PCM1: variants seen among roughly 807,000 people sequenced by gnomAD.
PCM1 encodes the protein pericentriolar material 1 protein.
A neutral mutation model predicts 241.9 loss-of-function variants in PCM1; 157 were observed. The ratio of observed to expected loss-of-function variants is 0.65; its 90% CI spans 0.57 to 0.74. PCM1 has a LOEUF of 0.74. Ranked by LOEUF, PCM1 falls within the 30% of genes least tolerant of loss-of-function variation. PCM1 has a pLI of 0.00. For synonymous variants in PCM1, 1,085 were observed against 784.9 expected (o/e 1.38, Z -6.39); for missense variants, 3,478 against 2,360.1 (o/e 1.47, Z -9.81).
At chr8:18,011,622 A>T (rs748799238) in intron 33 of PCM1, 45 bp from the exon 34 acceptor site, 1 of 1,535,126 alleles carries the variant, frequency 6.5e-7, no homozygotes, top group African/African-American at 1.4e-5. Flanking sequence ...TATTGTTAAG[A>T]TTATGTGCTG....
At chr8:17,970,731 A>C (rs1359812171) in intron 22 of PCM1, among the ~76,000 whole-genome samples, 1 of 152,156 alleles carries the variant, frequency 6.6e-6, no homozygotes, top group East Asian at 1.9e-4. Context: ...TCCCTACTTC[A>C]TTATTTTCAT....
chr8:17,978,057 A>T (rs1181101475), intron 23 of PCM1, among the ~76,000 whole-genome samples: 1 of 152,190 alleles, frequency 6.6e-6, no homozygotes, highest in Admixed American at 6.5e-5. Flanking sequence ...ACAAAATAAT[A>T]AGGGCACATA....
chr8:17,977,940 A>T (rs963817271), intron 23 of PCM1, among the ~76,000 whole-genome samples: 1 of 152,220 alleles, frequency 6.6e-6, no homozygotes, highest in Non-Finnish European at 1.5e-5. Context: ...AACAGTGCAT[A>T]TAAAAGGGAC....
chr8:18,010,821 A>T (rs921686410), intron 32 of PCM1, among the ~76,000 whole-genome samples, 153 bp downstream of exon 32: 1 of 152,120 alleles, frequency 6.6e-6, no homozygotes, highest in Admixed American at 6.5e-5. Flanking sequence ...TCCATACTAA[A>T]AATACAAAAA....
chr8:17,999,091 G>A (rs941261448), intron 29 of PCM1, among the ~76,000 whole-genome samples: 1 of 152,116 alleles, frequency 6.6e-6, no homozygotes, highest in Non-Finnish European at 1.5e-5. Flanking sequence ...ATGCTGTCCA[G>A]GAGCCAGGTT....
At chr8:17,941,101 G>C (rs1365349499) in intron 6 of PCM1, among the ~76,000 whole-genome samples, 1 of 152,124 alleles carries the variant, frequency 6.6e-6, no homozygotes, top group Non-Finnish European at 1.5e-5. Flanking sequence ...TTCAACAGGA[G>C]ATACTTAGAG....
chr8:17,931,223 G>T (rs1478547109), intron 2 of PCM1, among the ~76,000 whole-genome samples: 2 of 152,132 alleles, frequency 1.3e-5, no homozygotes, highest in African/African-American at 2.4e-5. Context: ...TTTGGAACAA[G>T]CTCTGCATTT....
In PCM1 at chr8:17,947,309, C is replaced by T; in HGVS notation, c.907C>T (p.Leu303Phe). The T allele has an allele frequency of 1.2e-6, 2 of 1,612,456 alleles. No individual in the cohort carries two copies. The highest frequency in any genetic ancestry group is 1.7e-6 in the Non-Finnish European group (2 of 1,178,980). Residue 303 changes from leucine (L) to phenylalanine (F), a missense_variant, in exon 7 of 39, where the codon CTT becomes TTT. Transcript: ENST00000325083. Reference protein sequence around the residue: ...LRALQGRQAALLALQHKAEQA... With the variant: ...LRALQGRQAAFLALQHKAEQA... ...AGCTCTACAGGGACGGCAGGCTGCA[C>T]TTCTAGCTCTGCAACATAAAGCAGA...
At chr8:18,014,240 C>G (rs915734483) in intron 35 of PCM1, among the ~76,000 whole-genome samples, 2 of 151,886 alleles carry the variant, frequency 1.3e-5, no homozygotes, top group African/African-American at 2.4e-5. Flanking sequence ...GAAAAGGTGA[C>G]AAATATTTAC....
At chr8:17,972,208 T>G (rs2077081753) in intron 22 of PCM1, 121 bp from the exon 23 acceptor site, 1 of 523,964 alleles carries the variant, frequency 1.9e-6, no homozygotes, top group Non-Finnish European at 3.3e-6. Flanking sequence ...TGAAAACATT[T>G]TTATAGCCTG....
At chr8:17,983,220 C>T in intron 24 of PCM1, 2 of 1,308,426 alleles carry the variant, frequency 1.5e-6, no homozygotes, top group Non-Finnish European at 2.0e-6. Flanking sequence ...CTTATGTCTG[C>T]CCTTTCCTAC....
At chr8:17,944,606 A>G (rs1351481814) in intron 6 of PCM1, among the ~76,000 whole-genome samples, 1 of 152,122 alleles carries the variant, frequency 6.6e-6, no homozygotes. Context: ...TTAAAGAAAA[A>G]TATGTGTTTG....
intron 21 of PCM1, 32 bp downstream of exon 21, chr8:17,967,202 A>G (rs766448094): frequency 2.0e-6 from 3 of 1,480,608 alleles, no homozygotes; most frequent in Non-Finnish European, 2.8e-6. Flanking sequence ...GAAAATAAAT[A>G]AAAGCAAAGT....
At chr8:17,965,964 T>C (rs541853533) in intron 18 of PCM1, 35 bp from the exon 19 acceptor site, 8 of 1,490,248 alleles carry the variant, frequency 5.4e-6, no homozygotes, top group South Asian at 5.0e-5. Context: ...CAAATTATTA[T>C]GTATGATGAC....
At position 17,953,080 on chromosome 8, in the gene PCM1, C is replaced by G; in HGVS notation, c.1182C>G (p.Val394=). ...SASERLPDEK[V]ELFSKMRVLQ... is the part of the protein sequence containing the mutation. The stretch of plus-strand genomic sequence containing the variant: ...CAGAACGTTTACCTGATGAGAAAGT[C>G]GAACTTTTTAGCAAAATGAGAGTGC... The change falls in exon 9 of 39, where the codon GTC becomes GTG. Residue 394 remains valine, a synonymous_variant. Transcript: ENST00000325083. 1 of 1,604,046 alleles carries G rather than the reference C, an allele frequency of 6.2e-7. No homozygotes were observed. The highest frequency in any genetic ancestry group is 8.5e-7 in the Non-Finnish European group (1 of 1,174,722).
chr8:18,008,049 T>C (rs1459992799), intron 30 of PCM1, among the ~76,000 whole-genome samples: 1 of 152,208 alleles, frequency 6.6e-6, no homozygotes, highest in African/African-American at 2.4e-5. Flanking sequence ...GTTGGAGGGA[T>C]AGCTGCCTGG....
In PCM1 at chr8:18,025,565, G is replaced by A. The variant is rs1420375882; in HGVS notation, c.5956G>A (p.Val1986Ile). Residue 1986 changes from valine to isoleucine, a missense_variant, in exon 38 of 39, where the codon GTA (valine) becomes ATA (isoleucine). By Grantham distance (29) the Val-to-Ile change is conservative. Transcript: ENST00000325083. ...AAAGGCAGATCTAAGAAAGAAAATG[G>A]TAGAAGAAGAACAGAAAAACCATTT... Reference protein sequence around the residue: ...YSEADLRKKMVEEEQKNHLSG... With the variant: ...YSEADLRKKMIEEEQKNHLSG... 2 of 1,580,904 alleles carry A rather than the reference G, an allele frequency of 1.3e-6. No homozygotes were observed. The highest frequency in any genetic ancestry group is 1.8e-5 in the Admixed American group (1 of 54,890).
intron 21 of PCM1, 147 bp from the exon 22 acceptor site, chr8:17,969,430 G>T (rs954414334): frequency 3.2e-6 from 2 of 627,472 alleles, no homozygotes; most frequent in Non-Finnish European, 5.3e-6. Flanking sequence ...AACAGTGATT[G>T]GATAAATATT....
At chr8:18,017,170 C>T (rs1183735036) in intron 36 of PCM1, among the ~76,000 whole-genome samples, 2 of 19,170 alleles carry the variant, frequency 1.0e-4, no homozygotes, top group Non-Finnish European at 2.2e-4. Context: ...AGAAGCTATC[C>T]CCATGGTCTT....
Sources: allele counts gnomAD v4.1 joint callset (sites outside exome capture counted in the v4.1 genomes callset), GRCh38; gene constraint gnomAD v4.1.1; transcripts MANE v1.5; gene names NCBI Gene and HGNC (gene_info 2026-07-23, HGNC 2026-07-21).